The following VEPH1 variants were observed in gnomAD, a reference collection of about 807,000 sequenced individuals.
VEPH1 encodes ventricular zone expressed PH domain containing 1.
In VEPH1, 80 loss-of-function variants were observed where a neutral mutation model predicts 85.2. That is an observed-to-expected ratio of 0.94 (90% CI 0.78 to 1.13). The LOEUF (loss-of-function observed/expected upper bound fraction) is 1.13, where lower values mean the gene tolerates loss of function less well. Ranked by LOEUF, VEPH1 falls within the 50% of genes most tolerant of loss-of-function variation. The probability of loss-of-function intolerance (pLI) is 0.00; values close to 1 mark genes in which losing one functional copy is unlikely to be tolerated. For synonymous variants in VEPH1, 297 were observed against 348.0 expected (o/e 0.85, Z 1.63); for missense variants, 955 against 980.5 (o/e 0.97, Z 0.35).
chr3:157,446,291 G>A (rs1734550902), intron 4 of VEPH1, among the ~76,000 whole-genome samples: 1 of 152,062 alleles, frequency 6.6e-6, no homozygotes, highest in Non-Finnish European at 1.5e-5. Flanking sequence ...GTCCTGGGAA[G>A]CCCTCAGTCC....
intron 4 of VEPH1, among the ~76,000 whole-genome samples, chr3:157,449,634 T>G (rs1190322566): frequency 6.6e-6 from 1 of 152,216 alleles, no homozygotes; most frequent in African/African-American, 2.4e-5. Context: ...AACTCCCATT[T>G]TCTTCTCCTT....
chr3:157,365,357 T>C (rs1169471899), intron 7 of VEPH1, among the ~76,000 whole-genome samples: 1 of 152,218 alleles, frequency 6.6e-6, no homozygotes, highest in Non-Finnish European at 1.5e-5. Context: ...CGTATGGTGT[T>C]AGTATTAATT....
chr3:157,294,489 T>A lies in VEPH1; in HGVS notation c.2011-7815A>T, dbSNP rs968824597. ...ATTCTATGCATATTTAGCTAACTGT[T>A]GCCTCTACAGCTGCACAGTGATTTA... On this transcript the variant is annotated intron_variant, in intron 11 of 13. Coordinates refer to ENST00000362010, the MANE Select transcript of VEPH1 (RefSeq NM_001167912.2). Among the ~76,000 whole-genome samples the A allele has an allele frequency of 4.1e-4, 63 of 152,364 alleles. 2 individuals are homozygous for A. Among genetic ancestry groups the A allele is most frequent in the Non-Finnish European group, 1.0e-4 (7 of 68,042 alleles).
rs568878434 is a variant in VEPH1 at position 157,400,387 on chromosome 3, T to C, written c.906+13494A>G. ...CCTTGAGAAAAAAAGCAAGGTATAA[T>C]TTTTTAATTATGAAACAATTATGGC... On this transcript the variant is annotated intron_variant, in intron 6 of 13. Transcript: ENST00000362010. Among the ~76,000 whole-genome samples, 4 of 152,218 alleles carry C rather than the reference T, an allele frequency of 2.6e-5. No individual in the cohort carries two copies. The South Asian group carries it at 8.3e-4, about 32-fold the overall frequency.
chr3:157,337,095 C>T (rs186153986), intron 9 of VEPH1, among the ~76,000 whole-genome samples: 235 of 150,610 alleles, frequency 1.6e-3, no homozygotes, highest in Non-Finnish European at 2.7e-3. Flanking sequence ...AAGGAAATGC[C>T]ATAGGCATTT....
intron 11 of VEPH1, among the ~76,000 whole-genome samples, chr3:157,306,390 C>T (rs1719512447): frequency 1.3e-5 from 2 of 152,058 alleles, no homozygotes; most frequent in Non-Finnish European, 2.9e-5. Context: ...TATACAATAA[C>T]ATTTATGCTA....
At chr3:157,412,842 C>T (rs1577595011) in intron 6 of VEPH1, among the ~76,000 whole-genome samples, 1 of 152,112 alleles carries the variant, frequency 6.6e-6, no homozygotes, top group Admixed American at 6.5e-5. Context: ...AAGGGGTTCA[C>T]TATAATTCTC....
At chr3:157,283,306 T>C (rs1716378937) in intron 12 of VEPH1, among the ~76,000 whole-genome samples, 1 of 152,190 alleles carries the variant, frequency 6.6e-6, no homozygotes, top group Non-Finnish European at 1.5e-5. Flanking sequence ...CTTGCGAAAA[T>C]TACTTAATCT....
intron 9 of VEPH1, among the ~76,000 whole-genome samples, chr3:157,338,703 AC>A (rs1723207444): frequency 6.6e-6 from 1 of 152,198 alleles, no homozygotes; most frequent in Admixed American, 6.5e-5. Context: ...AAGACAATTA[AC>A]TTTTCCTAAT....
intron 2 of VEPH1, among the ~76,000 whole-genome samples, chr3:157,477,284 A>G (rs1172819347): frequency 6.6e-6 from 1 of 151,272 alleles, no homozygotes. Flanking sequence ...CATCACTTCA[A>G]CCTCTGCTTT....
intron 12 of VEPH1, among the ~76,000 whole-genome samples, chr3:157,270,939 C>T (rs1000318492): frequency 6.6e-6 from 1 of 151,494 alleles, no homozygotes; most frequent in African/African-American, 2.4e-5. Flanking sequence ...GAGCTGGGAC[C>T]CTCATGAAGA....
chr3:157,419,829 C>A (rs916502247), intron 5 of VEPH1, among the ~76,000 whole-genome samples: 3 of 152,116 alleles, frequency 2.0e-5, no homozygotes, highest in African/African-American at 2.4e-5. Context: ...TGGGTATATA[C>A]CCAAAGGAAT....
Position 157,495,098 on chromosome 3 carries a change from T to C in VEPH1, c.138+114A>G, listed in dbSNP as rs538570959. On this transcript the variant is annotated intron_variant, in intron 2 of 13. Coordinates refer to ENST00000362010, the MANE Select transcript of VEPH1 (RefSeq NM_001167912.2). The stretch of plus-strand genomic sequence containing the variant: ...CACAGAGCAGATTAAGAGAGACCAA[T>C]ATTAGTGGTATTTCCTCTTTCCCCT... 1.1e-5 allele frequency: 12 copies of C among 1,062,528 alleles called. No individual in the cohort carries two copies. The South Asian group carries it at 1.6e-4, about 14-fold the overall frequency. 65.8% of individuals were successfully genotyped at this position (1,062,528 alleles called of 1,614,324 possible).
At position 157,400,541 on chromosome 3, in the gene VEPH1, T is replaced by C. The variant is rs186027058; in HGVS notation, c.906+13340A>G. On this transcript the variant is annotated intron_variant, in intron 6 of 13. Transcript: ENST00000362010. ...CTTTATGCTATGCTATTTGAGACAA[T>C]AAATTATGGTCTTTAGTTTGAATTT... 1.4e-3 allele frequency among the ~76,000 whole-genome samples: 214 copies of C among 152,246 alleles called. 2 individuals are homozygous for C. Among genetic ancestry groups the C allele is most frequent in the African/African-American group, 5.0e-3 (206 of 41,562 alleles).
intron 6 of VEPH1, among the ~76,000 whole-genome samples, chr3:157,385,128 A>G (rs1216276006): frequency 6.6e-6 from 1 of 152,080 alleles, no homozygotes; most frequent in Non-Finnish European, 1.5e-5. Context: ...AAACTGAAGC[A>G]CAGATAGGAG....
chr3:157,411,538 C>G (rs1731529339), intron 6 of VEPH1, among the ~76,000 whole-genome samples: 1 of 152,072 alleles, frequency 6.6e-6, no homozygotes. Context: ...CACAGGTTCC[C>G]GTAAATCCAG....
At chr3:157,273,306 C>T (rs950418) in intron 12 of VEPH1, among the ~76,000 whole-genome samples, 6,568 of 152,228 alleles carry the variant, frequency 0.043, 169 homozygotes, top group South Asian at 0.11. Flanking sequence ...ATGACAGTCT[C>T]AATTATTGAG....
At chr3:157,375,258 A>G (rs62278603) in intron 7 of VEPH1, among the ~76,000 whole-genome samples, 34,798 of 152,226 alleles carry the variant, frequency 0.23, 4,795 homozygotes, top group Admixed American at 0.43. Context: ...GTTGCAGAGA[A>G]GAACTTGGCC....
At chr3:157,300,596 T>G (rs933814452) in intron 11 of VEPH1, among the ~76,000 whole-genome samples, 1 of 152,228 alleles carries the variant, frequency 6.6e-6, no homozygotes, top group Admixed American at 6.5e-5. Flanking sequence ...ACGAATAGTG[T>G]ATATTAATTA....
Sources: allele counts gnomAD v4.1 joint callset (sites outside exome capture counted in the v4.1 genomes callset), GRCh38; gene constraint gnomAD v4.1.1; transcripts MANE v1.5; gene names NCBI Gene and HGNC (gene_info 2026-07-23, HGNC 2026-07-21).